SGCG: variants seen among roughly 807,000 people sequenced by gnomAD.
SGCG encodes gamma-sarcoglycan.
In SGCG, 26 loss-of-function variants were observed where a neutral mutation model predicts 29.3. The observed-to-expected ratio is 0.89, with a 90% CI of 0.65 to 1.23. SGCG has a LOEUF of 1.23. Ranked by LOEUF, SGCG falls within the 50% of genes most tolerant of loss-of-function variation. The pLI is 0.00. For missense variants in SGCG, 353 were observed against 356.0 expected, an observed-to-expected ratio of 0.99 and a Z score of 0.07; for synonymous variants, 145 against 129.7, an observed-to-expected ratio of 1.12 and a Z score of -0.80.
Position 23,196,896 on chromosome 13 carries a change from T to C in SGCG, c.1-6799T>C, listed in dbSNP as rs147622468. ...TGTTTCTTGGAAGTTTAAAGGAAAA[T>C]AGAAGTAAAACCCATGCAGTCATTC... On this transcript the variant is annotated intron_variant, in intron 1 of 7. Coordinates refer to ENST00000218867, the MANE Select transcript of SGCG (RefSeq NM_000231.3). Among the ~76,000 whole-genome samples the C allele has an allele frequency of 2.4e-4, 36 of 152,256 alleles. 1 individual carries two copies. Among genetic ancestry groups the C allele is most frequent in the Middle Eastern group, 3.4e-3 (1 of 294 alleles).
At chr13:23,204,073 G>A (rs1877884994) in intron 2 of SGCG, among the ~76,000 whole-genome samples, 184 bp downstream of exon 2, 2 of 151,072 alleles carry the variant, frequency 1.3e-5, no homozygotes, top group Non-Finnish European at 2.9e-5. Flanking sequence ...AAACCTCATT[G>A]TGAACTATAG....
chr13:23,224,981 A>T (rs995463155), intron 2 of SGCG, among the ~76,000 whole-genome samples: 2 of 152,126 alleles, frequency 1.3e-5, no homozygotes, highest in African/African-American at 2.4e-5. Flanking sequence ...CTGGAGCAGT[A>T]GCAGCACCCA....
At chr13:23,216,813 CTAAT>C (rs769261750) in intron 2 of SGCG, among the ~76,000 whole-genome samples, 7 of 152,054 alleles carry the variant, frequency 4.6e-5, no homozygotes, top group African/African-American at 1.2e-4. Context: ...ATGATGTGGA[CTAAT>C]TGATTGATTG....
intron 2 of SGCG, among the ~76,000 whole-genome samples, chr13:23,206,010 C>T (rs998299447): frequency 1.3e-5 from 2 of 152,124 alleles, no homozygotes; most frequent in East Asian, 3.8e-4. Flanking sequence ...ACATAAATGA[C>T]GTAATTACCT....
chr13:23,274,937 T>G (rs1289343238), intron 4 of SGCG, among the ~76,000 whole-genome samples: 1 of 151,994 alleles, frequency 6.6e-6, no homozygotes, highest in Non-Finnish European at 1.5e-5. Context: ...ATTCACTAAT[T>G]GAAATTAGAT....
chr13:23,232,379 C>G (rs1879146590), intron 2 of SGCG, among the ~76,000 whole-genome samples: 1 of 152,218 alleles, frequency 6.6e-6, no homozygotes, highest in Non-Finnish European at 1.5e-5. Flanking sequence ...GGTAACATAT[C>G]TCTATCCTAG....
intron 2 of SGCG, 79 bp from the exon 3 acceptor site, chr13:23,234,532 G>A (rs1688710190): frequency 1.0e-6 from 1 of 961,160 alleles, no homozygotes; most frequent in Non-Finnish European, 1.7e-6. Flanking sequence ...AAATACATGT[G>A]TGATTTAAGT....
chr13:23,270,606 A>AT (rs1880836107), intron 4 of SGCG, among the ~76,000 whole-genome samples: 1 of 152,028 alleles, frequency 6.6e-6, no homozygotes, highest in Non-Finnish European at 1.5e-5. Flanking sequence ...TGTTGCTAAG[A>AT]TTTTTCTATC....
At chr13:23,182,266 A>T (rs1284633242) in intron 1 of SGCG, among the ~76,000 whole-genome samples, 2 of 152,188 alleles carry the variant, frequency 1.3e-5, no homozygotes, top group African/African-American at 2.4e-5. Context: ...AGTTTTGCAT[A>T]ACTTATAGGG....
chr13:23,203,324 C>T (rs17078460), intron 1 of SGCG, among the ~76,000 whole-genome samples: 5,389 of 152,192 alleles, frequency 0.035, 210 homozygotes, highest in East Asian at 0.2. Context: ...TTGTAGAACT[C>T]GGTAACTTGA....
At chr13:23,277,987 C>T (rs139261301) in intron 4 of SGCG, among the ~76,000 whole-genome samples, 1,800 of 152,062 alleles carry the variant, frequency 0.012, 71 homozygotes, top group East Asian at 0.072. Flanking sequence ...CGTGAGCCAC[C>T]GCGCCCAGCC....
At chr13:23,239,206 G>C (rs1026448641) in intron 3 of SGCG, among the ~76,000 whole-genome samples, 14 of 151,928 alleles carry the variant, frequency 9.2e-5, no homozygotes, top group African/African-American at 3.4e-4. Context: ...AAATCTTAAA[G>C]AGAAAGCCTT....
chr13:23,171,451 G>A, the SGCG span, among the ~76,000 whole-genome samples: 1 of 152,140 alleles, frequency 6.6e-6, no homozygotes, highest in African/African-American at 2.4e-5. Flanking sequence ...GAAAGATAGA[G>A]AACAGAAGAT....
At chr13:23,297,945 A>G (rs920864334) in intron 6 of SGCG, among the ~76,000 whole-genome samples, 3 of 151,744 alleles carry the variant, frequency 2.0e-5, no homozygotes, top group Non-Finnish European at 4.4e-5. Context: ...GGGTTTCATC[A>G]TGTTGGTCAG....
At chr13:23,179,740 C>T (rs1415130), upstream of SGCG, among the ~76,000 whole-genome samples, 32,304 of 151,958 alleles carry the variant, frequency 0.21, 4,091 homozygotes, top group East Asian at 0.32. Flanking sequence ...CCTGCAGCTG[C>T]TGGTATGATA....
chr13:23,171,301 G>T, the SGCG span, among the ~76,000 whole-genome samples: 3,584 of 152,182 alleles, frequency 0.024, 138 homozygotes, highest in African/African-American at 0.082. Context: ...AACCTTAAAT[G>T]GGAGATAGTA....
At chr13:23,305,942 G>A (rs574063888) in intron 6 of SGCG, among the ~76,000 whole-genome samples, 184 of 152,294 alleles carry the variant, frequency 1.2e-3, no homozygotes, top group African/African-American at 4.3e-3. Context: ...CACGATCTCA[G>A]CTTACTGCAG....
intron 2 of SGCG, among the ~76,000 whole-genome samples, chr13:23,232,417 C>G (rs1351375686): frequency 1.3e-5 from 2 of 152,136 alleles, no homozygotes; most frequent in African/African-American, 4.8e-5. Flanking sequence ...CGTAAAATGT[C>G]CCTTATTGCT....
intron 4 of SGCG, among the ~76,000 whole-genome samples, chr13:23,256,703 T>C (rs1182613884): frequency 6.6e-6 from 1 of 152,242 alleles, no homozygotes; most frequent in Non-Finnish European, 1.5e-5. Context: ...ACAAAGGACA[T>C]GAACTCATCC....
Sources: gnomAD v4.1 joint callset for allele counts (sites outside exome capture counted in the v4.1 genomes callset) on GRCh38, gnomAD v4.1.1 for gene constraint, MANE v1.5 for transcripts, NCBI Gene and HGNC (gene_info 2026-07-23, HGNC 2026-07-21) for gene names.